MAP3K5: variants seen among roughly 807,000 people sequenced by gnomAD.
The protein encoded by MAP3K5 is ASK-1.
Under a neutral mutation model 158.7 loss-of-function variants are expected in MAP3K5, and 56 were observed. The ratio of observed to expected loss-of-function variants is 0.35; its 90% CI spans 0.28 to 0.44. The LOEUF (loss-of-function observed/expected upper bound fraction) is 0.44, where lower values mean the gene tolerates loss of function less well. Ranked by LOEUF, MAP3K5 falls within the 20% of genes least tolerant of loss-of-function variation. The pLI is 1.00. For missense variants in MAP3K5, 1,294 were observed against 1,674.8 expected, an observed-to-expected ratio of 0.77 and a Z score of 3.97; for synonymous variants, 579 against 601.7, an observed-to-expected ratio of 0.96 and a Z score of 0.55.
At chr6:136,777,624 G>A (rs562787846) in intron 1 of MAP3K5, among the ~76,000 whole-genome samples, 4 of 152,274 alleles carry the variant, frequency 2.6e-5, no homozygotes, top group East Asian at 1.9e-4. Flanking sequence ...AAAAAGAAAT[G>A]TTATATAAAG....
chr6:136,773,379 C>T (rs374972310), intron 1 of MAP3K5, among the ~76,000 whole-genome samples: 1 of 152,168 alleles, frequency 6.6e-6, no homozygotes, highest in Non-Finnish European at 1.5e-5. Flanking sequence ...GTCAAGTCAC[C>T]GTACCTGACA....
intron 26 of MAP3K5, among the ~76,000 whole-genome samples, 200 bp from the exon 27 acceptor site, chr6:136,562,815 C>T (rs887476744): frequency 6.6e-6 from 1 of 151,154 alleles, no homozygotes; most frequent in Non-Finnish European, 1.5e-5. Context: ...GGAATACAGA[C>T]ATGCACCACC....
At chr6:136,714,933 G>C (rs1781457968) in intron 2 of MAP3K5, among the ~76,000 whole-genome samples, 1 of 152,124 alleles carries the variant, frequency 6.6e-6, no homozygotes, top group Admixed American at 6.6e-5. Flanking sequence ...ACATATGTGT[G>C]TTCTGTATAC....
intron 7 of MAP3K5, among the ~76,000 whole-genome samples, chr6:136,681,030 T>C (rs377070481): frequency 1.3e-5 from 2 of 152,196 alleles, no homozygotes; most frequent in East Asian, 3.9e-4. Flanking sequence ...CCTATTATGA[T>C]TAATCTATGC....
At chr6:136,768,626 C>G (rs1246623635) in intron 1 of MAP3K5, among the ~76,000 whole-genome samples, 1 of 152,176 alleles carries the variant, frequency 6.6e-6, no homozygotes, top group Admixed American at 6.5e-5. Context: ...TAGAAAATGG[C>G]TTGGTGGCCA....
intron 6 of MAP3K5, among the ~76,000 whole-genome samples, chr6:136,694,637 T>C (rs545471577): frequency 1.3e-5 from 2 of 152,212 alleles, no homozygotes; most frequent in Admixed American, 6.5e-5. Flanking sequence ...ATTAGAGTTG[T>C]AGTCTGTGTC....
chr6:136,785,381 TG>T (rs1784800647), intron 1 of MAP3K5, among the ~76,000 whole-genome samples: 1 of 152,234 alleles, frequency 6.6e-6, no homozygotes, highest in Non-Finnish European at 1.5e-5. Flanking sequence ...TTAACTAGCA[TG>T]TGCTTCCTTC....
intron 15 of MAP3K5, among the ~76,000 whole-genome samples, chr6:136,615,453 G>GT (rs1043344652): frequency 6.6e-6 from 1 of 152,158 alleles, no homozygotes. Flanking sequence ...TTTTGTTTTT[G>GT]TTTTTTGAAA....
At chr6:136,561,480 A>C in intron 28 of MAP3K5, 53 bp downstream of exon 28, 5 of 1,351,904 alleles carry the variant, frequency 3.7e-6, no homozygotes, top group Non-Finnish European at 5.3e-6. Flanking sequence ...GCAGGCACCC[A>C]ACATTATGAA....
intron 7 of MAP3K5, among the ~76,000 whole-genome samples, chr6:136,671,117 A>G (rs1011854530): frequency 2.6e-5 from 4 of 152,172 alleles, no homozygotes; most frequent in Non-Finnish European, 5.9e-5. Flanking sequence ...TCATATCAAG[A>G]TACGTAATAT....
intron 26 of MAP3K5, among the ~76,000 whole-genome samples, chr6:136,565,811 C>T (rs1333651147): frequency 6.6e-6 from 1 of 152,150 alleles, no homozygotes; most frequent in East Asian, 1.9e-4. Flanking sequence ...AAGCAAACAT[C>T]GTCCCTCATC....
At chr6:136,670,614 CACAA>C (rs1277258229) in intron 7 of MAP3K5, among the ~76,000 whole-genome samples, 5 of 151,892 alleles carry the variant, frequency 3.3e-5, no homozygotes, top group African/African-American at 1.2e-4. Flanking sequence ...ATATTGTAGG[CACAA>C]TAAATGTATA....
intron 2 of MAP3K5, among the ~76,000 whole-genome samples, chr6:136,712,958 T>C (rs945434256): frequency 6.6e-6 from 1 of 152,174 alleles, no homozygotes; most frequent in Non-Finnish European, 1.5e-5. Flanking sequence ...ATTAAACCTC[T>C]TTTTCTTTAT....
intron 10 of MAP3K5, among the ~76,000 whole-genome samples, chr6:136,655,970 C>T (rs1050050073): frequency 1.3e-5 from 2 of 152,064 alleles, no homozygotes; most frequent in Admixed American, 6.6e-5. Flanking sequence ...ACTGTGTCAA[C>T]GTGACTGCAG....
At chr6:136,635,438 T>C (rs906779615) in intron 14 of MAP3K5, among the ~76,000 whole-genome samples, 3 of 152,178 alleles carry the variant, frequency 2.0e-5, no homozygotes, top group Admixed American at 2.0e-4. Flanking sequence ...CTATTACTTC[T>C]ATAGACAGCA....
intron 2 of MAP3K5, among the ~76,000 whole-genome samples, chr6:136,711,505 A>C (rs1781306211): frequency 6.6e-6 from 1 of 152,024 alleles, no homozygotes; most frequent in Non-Finnish European, 1.5e-5. Flanking sequence ...TCTCTACAAA[A>C]AAATACAAAA....
intron 1 of MAP3K5, among the ~76,000 whole-genome samples, chr6:136,767,807 CA>C (rs1294517080): frequency 6.6e-6 from 1 of 152,128 alleles, no homozygotes; most frequent in Admixed American, 6.5e-5. Context: ...CAAAAGTAAT[CA>C]AGACTATGTG....
intron 14 of MAP3K5, among the ~76,000 whole-genome samples, chr6:136,635,535 A>G (rs1434461448): frequency 6.6e-6 from 1 of 152,122 alleles, no homozygotes; most frequent in South Asian, 2.1e-4. Context: ...TTAACTACAA[A>G]TATCAAAGCT....
chr6:136,733,636 CT>C (rs545777291), intron 1 of MAP3K5, among the ~76,000 whole-genome samples: 51 of 150,750 alleles, frequency 3.4e-4, no homozygotes, highest in Middle Eastern at 3.4e-3. Context: ...CAAAAAAAAC[CT>C]TTTTTTTTAG....
Sources: allele counts gnomAD v4.1 joint callset (sites outside exome capture counted in the v4.1 genomes callset), GRCh38; gene constraint gnomAD v4.1.1; transcripts MANE v1.5; gene names NCBI Gene and HGNC (gene_info 2026-07-23, HGNC 2026-07-21).